CNBD1: variants seen among roughly 807,000 people sequenced by gnomAD.
CNBD1 encodes cyclic nucleotide-binding domain-containing protein 1.
In CNBD1, 71 loss-of-function variants were observed where a neutral mutation model predicts 54.4. The ratio of observed to expected loss-of-function variants is 1.30; its 90% confidence interval spans 1.08 to 1.59. CNBD1 has a LOEUF of 1.59. Ranked by LOEUF, CNBD1 falls within the 40% of genes most tolerant of loss-of-function variation. CNBD1 has a pLI of 0.00. For missense variants in CNBD1, 659 were observed against 518.0 expected (o/e 1.27, Z -2.64); for synonymous variants, 182 against 170.7 (o/e 1.07, Z -0.51).
chr8:87,065,852 G>C (rs1810637820), intron 4 of CNBD1, among the ~76,000 whole-genome samples: 2 of 152,046 alleles, frequency 1.3e-5, no homozygotes, highest in Admixed American at 1.3e-4. Context: ...CTCAAACCCA[G>C]TTCACTGTAG....
chr8:87,157,588 AC>A lies in CNBD1; in HGVS notation c.432-48404del, dbSNP rs534083907. On this transcript the variant is annotated intron_variant, in intron 4 of 10. Transcript: ENST00000518476. ...GAATAAGCTTGGCAGATATAAAAAA[AC>A]ATTTATGTTCCTCCTTCTGCCCTTC... 3.3e-5 allele frequency among the ~76,000 whole-genome samples: 5 copies of A among 152,322 alleles called. No individual in the cohort carries two copies. The East Asian group carries it at 9.7e-4, about 29-fold the overall frequency.
intron 2 of CNBD1, among the ~76,000 whole-genome samples, chr8:87,425,627 G>T (rs1202203019): frequency 2.0e-5 from 3 of 152,124 alleles, no homozygotes; most frequent in Non-Finnish European, 4.4e-5. Flanking sequence ...CAGTTAGGCT[G>T]CTCGGGGGTC....
intron 8 of CNBD1, among the ~76,000 whole-genome samples, chr8:87,298,488 C>CTTTTT (rs11414234): frequency 1.4e-5 from 2 of 139,812 alleles, no homozygotes; most frequent in African/African-American, 5.3e-5. Flanking sequence ...TTTTTTCCCT[C>CTTTTT]TTTTTTTTTT....
At chr8:87,407,765 T>A (rs1219903745) in intron 2 of CNBD1, among the ~76,000 whole-genome samples, 1 of 152,076 alleles carries the variant, frequency 6.6e-6, no homozygotes, top group Non-Finnish European at 1.5e-5. Flanking sequence ...TAAACAATTT[T>A]AAAATACATG....
chr8:87,359,238 A>G (rs945611161), intron 10 of CNBD1, among the ~76,000 whole-genome samples: 3 of 146,672 alleles, frequency 2.0e-5, no homozygotes, highest in Admixed American at 1.3e-4. Context: ...AATTCATTCC[A>G]TAGTCTGTTT....
chr8:87,365,671 A>G (rs755738905), intron 10 of CNBD1, among the ~76,000 whole-genome samples: 80 of 152,050 alleles, frequency 5.3e-4, no homozygotes, highest in Non-Finnish European at 9.1e-4. Flanking sequence ...ATCTCACACA[A>G]TTTTGATGTA....
chr8:87,209,829 T>C (rs1247154295), intron 5 of CNBD1, among the ~76,000 whole-genome samples: 1 of 152,148 alleles, frequency 6.6e-6, no homozygotes, highest in African/African-American at 2.4e-5. Flanking sequence ...ACAGATATGT[T>C]GATATGATAA....
chr8:87,369,652 T>G (rs1810719212), intron 10 of CNBD1, among the ~76,000 whole-genome samples: 1 of 152,044 alleles, frequency 6.6e-6, no homozygotes, highest in Non-Finnish European at 1.5e-5. Context: ...CTCTATAGTT[T>G]CCAATGAGAA....
At chr8:87,160,368 A>G (rs1332466720) in intron 4 of CNBD1, among the ~76,000 whole-genome samples, 4 of 152,062 alleles carry the variant, frequency 2.6e-5, no homozygotes, top group Non-Finnish European at 5.9e-5. Context: ...GCTGTAGTCT[A>G]TAATATCATT....
intron 4 of CNBD1, among the ~76,000 whole-genome samples, chr8:87,093,448 C>A (rs1224410181): frequency 6.6e-6 from 1 of 152,102 alleles, no homozygotes; most frequent in Non-Finnish European, 1.5e-5. Flanking sequence ...TGGCAGAATT[C>A]GTTCCTACCC....
chr8:87,065,907 A>T lies in CNBD1; in HGVS notation c.431+126153A>T, dbSNP rs547826916. Among the ~76,000 whole-genome samples the T allele has an allele frequency of 2.2e-3, 329 of 152,050 alleles. 1 individual carries two copies. Among genetic ancestry groups the T allele is most frequent in the Non-Finnish European group, 3.8e-3 (260 of 67,850 alleles). On this transcript the variant is annotated intron_variant, in intron 4 of 10. Coordinates refer to ENST00000518476, the MANE Select transcript of CNBD1 (RefSeq NM_173538.3). The stretch of plus-strand genomic sequence containing the variant: ...AACCTATATGTGATACTTTCCCACT[A>T]CATGGTTGTTGATAAGTTTCAAAGA...
chr8:87,318,683 A>T (rs1809452829), intron 8 of CNBD1, among the ~76,000 whole-genome samples: 1 of 151,804 alleles, frequency 6.6e-6, no homozygotes, highest in Non-Finnish European at 1.5e-5. Flanking sequence ...AACCTGGAAG[A>T]CTCTCAGAGG....
chr8:87,135,015 T>A (rs1004063963), intron 4 of CNBD1, among the ~76,000 whole-genome samples: 20 of 152,126 alleles, frequency 1.3e-4, no homozygotes, highest in Admixed American at 1.2e-3. Context: ...TAGAGTTAGG[T>A]CATTAAAAAT....
intron 8 of CNBD1, among the ~76,000 whole-genome samples, chr8:87,308,768 T>G (rs1192583671): frequency 6.6e-6 from 1 of 152,140 alleles, no homozygotes; most frequent in Non-Finnish European, 1.5e-5. Context: ...TAGCCTCTCA[T>G]ATTGATAATT....
chr8:86,960,299 T>C lies in CNBD1; in HGVS notation c.431+20545T>C, dbSNP rs536194000. On this transcript the variant is annotated intron_variant, in intron 4 of 10. Transcript: ENST00000518476. ...CACTCCCACTCTAATACTGCACTTT[T>C]CCAAGAGTCTTAGCAAACGGCACAC... Among the ~76,000 whole-genome samples, 32 of 152,200 alleles carry C rather than the reference T, an allele frequency of 2.1e-4. 1 individual carries two copies. The highest frequency in any genetic ancestry group is 7.5e-4 in the African/African-American group (31 of 41,530).
At chr8:87,235,419 C>T (rs1472463471) in intron 5 of CNBD1, among the ~76,000 whole-genome samples, 3 of 152,110 alleles carry the variant, frequency 2.0e-5, no homozygotes, top group Non-Finnish European at 4.4e-5. Flanking sequence ...ACACATGACT[C>T]TTCCTTTGAC....
intron 4 of CNBD1, among the ~76,000 whole-genome samples, chr8:87,050,555 A>C (rs571099191): frequency 6.6e-6 from 1 of 152,354 alleles, no homozygotes; most frequent in South Asian, 2.1e-4. Context: ...AGCACTGTCC[A>C]GGTTAGTTGG....
In CNBD1 at chr8:86,901,457, T is replaced by A. The variant is rs1311908360; in HGVS notation, c.159-3624T>A. Among the ~76,000 whole-genome samples, 3 of 152,174 alleles carry A rather than the reference T, an allele frequency of 2.0e-5. No individual in the cohort carries two copies. In the East Asian group the frequency reaches 5.8e-4, roughly 29 times the overall value. ...TAAATATAATTAATCAATAAATATC[T>A]TATTAAAAGCTTATTATGTTTTCAG... On this transcript the variant is annotated intron_variant, in intron 2 of 10. Transcript: ENST00000518476.
chr8:87,303,412 G>T (rs1214399201), intron 8 of CNBD1, among the ~76,000 whole-genome samples: 1 of 151,838 alleles, frequency 6.6e-6, no homozygotes, highest in East Asian at 1.9e-4. Context: ...AATAAATGGT[G>T]CTGGGAAAAC....
Sources: allele counts gnomAD v4.1 joint callset (sites outside exome capture counted in the v4.1 genomes callset), GRCh38; gene constraint gnomAD v4.1.1; transcripts MANE v1.5; gene names NCBI Gene and HGNC (gene_info 2026-07-23, HGNC 2026-07-21).